Variants in C11orf16 observed in about 807,000 individuals in gnomAD.
C11orf16 encodes chromosome 11 open reading frame 16.
Under a neutral mutation model 45.1 loss-of-function variants are expected in C11orf16, and 38 were observed. The observed-to-expected ratio is 0.84, with a 90% CI of 0.65 to 1.10. The LOEUF is 1.10. Ranked by LOEUF, C11orf16 falls within the 50% of genes least tolerant of loss-of-function variation. C11orf16 has a pLI of 0.00. For synonymous variants in C11orf16, 221 were observed against 222.0 expected, an observed-to-expected ratio of 1.00 and a Z score of 0.04; for missense variants, 583 against 569.5, an observed-to-expected ratio of 1.02 and a Z score of -0.24.
chr11:8,923,503 AT>A (rs2064588165), intron 5 of C11orf16, among the ~76,000 whole-genome samples: 1 of 152,160 alleles, frequency 6.6e-6, no homozygotes. Flanking sequence ...CATCTTCTTT[AT>A]GCCCTCTCTA....
At chr11:8,930,600 G>A (rs1348510732) in intron 2 of C11orf16, among the ~76,000 whole-genome samples, 1 of 152,110 alleles carries the variant, frequency 6.6e-6, no homozygotes, top group African/African-American at 2.4e-5. Flanking sequence ...GGACAACCCA[G>A]AGGAGCTAAG....
At chr11:8,921,166 A>G in intron 6 of C11orf16, 128 bp downstream of exon 6, 2 of 687,756 alleles carry the variant, frequency 2.9e-6, no homozygotes, top group Non-Finnish European at 5.0e-6. Flanking sequence ...TGCAAAATTG[A>G]GGGTATGTGC....
At chr11:8,929,239 C>A (rs2064634547) in intron 3 of C11orf16, 138 bp downstream of exon 3, 1 of 877,678 alleles carries the variant, frequency 1.1e-6, no homozygotes, top group African/African-American at 1.7e-5. Flanking sequence ...ATTACATGTT[C>A]ACTTCTACAA....
In C11orf16 at chr11:8,925,676, G is replaced by T. The variant is rs773597781; in HGVS notation, c.991C>A (p.Pro331Thr). Residue 331 changes from proline (P) to threonine (T), a missense_variant, in exon 5 of 7, where the codon CCC becomes ACC. Transcript: ENST00000326053. Reference protein sequence around the residue: ...PKEEKVAMHAPLAVSSSSSSS... With the variant: ...PKEEKVAMHATLAVSSSSSSS... ...GATGAGGAGGAAGAAACAGCCAGGG[G>T]AGCGTGCATTGCTACTTTCTCCTCT... 1 of 1,614,268 alleles carries T rather than the reference G, an allele frequency of 6.2e-7. No homozygotes were observed.
At chr11:8,929,239 C>T in intron 3 of C11orf16, 138 bp downstream of exon 3, 2 of 877,678 alleles carry the variant, frequency 2.3e-6, no homozygotes, top group Non-Finnish European at 3.4e-6. Flanking sequence ...ATTACATGTT[C>T]ACTTCTACAA....
At chr11:8,930,383 G>A (rs76849436) in intron 2 of C11orf16, among the ~76,000 whole-genome samples, 26 of 138,870 alleles carry the variant, frequency 1.9e-4, no homozygotes, top group Admixed American at 3.1e-4. Context: ...CCAAGATTGC[G>A]CCACTGTACT....
At chr11:8,927,537 T>G in intron 3 of C11orf16, 1 of 450,500 alleles carries the variant, frequency 2.2e-6, no homozygotes, top group Non-Finnish European at 4.5e-6. Flanking sequence ...CAATGCAATC[T>G]CCTCCTTCCA....
In C11orf16 at chr11:8,920,449, A is replaced by G. The variant is rs760516714; in HGVS notation, c.*24T>C. ...CGAATATTTACCATGTTTATTCTTT[A>G]CCTATAAAAGGGGGAAAAATTCCAT... On this transcript the variant is annotated splice_region_variant and 3_prime_UTR_variant, in exon 7 of 7. Coordinates refer to ENST00000326053, the MANE Select transcript of C11orf16 (RefSeq NM_020643.3). The G allele has an allele frequency of 3.0e-6, 2 of 673,984 alleles. No homozygotes were observed. The highest frequency in any genetic ancestry group is 3.2e-5 in the South Asian group (2 of 62,420). The allele number at this position is 673,984 out of a possible 1,614,324, so 41.8% of individuals were successfully genotyped here. A position where few individuals can be genotyped will look rare whatever the true frequency, so the allele number is the denominator to read the frequency against.
chr11:8,927,982 A>G lies in C11orf16; in HGVS notation c.325-808T>C, dbSNP rs181665142. On this transcript the variant is annotated intron_variant, in intron 3 of 6. Transcript: ENST00000326053. ...GAGTGCAATGGCGTGATCTTGGTTC[A>G]CTGCAACCTCTGCCTCCTGGGTTCA... 5.2e-3 allele frequency among the ~76,000 whole-genome samples: 786 copies of G among 152,212 alleles called. 2 individuals are homozygous for G. The highest frequency in any genetic ancestry group is 8.4e-3 in the Admixed American group (128 of 15,286).
chr11:8,929,280 G>T (rs2064634753), intron 3 of C11orf16, 97 bp downstream of exon 3: 3 of 1,331,870 alleles, frequency 2.3e-6, no homozygotes, highest in South Asian at 1.4e-5. Flanking sequence ...GCTTATGCAA[G>T]AAACCAGCCT....
In C11orf16 at chr11:8,921,408, T is replaced by G. The variant is rs566024418; in HGVS notation, c.1312A>C (p.Met438Leu). 1 of 1,614,226 alleles carries G rather than the reference T, an allele frequency of 6.2e-7. No homozygotes were observed. The highest frequency in any genetic ancestry group is 2.2e-5 in the East Asian group (1 of 44,888). Residue 438 changes from methionine (M) to leucine (L), a missense_variant, in exon 6 of 7, where the codon ATG becomes CTG. Met to Leu is a conservative substitution (Grantham distance 15, BLOSUM62 2). Coordinates refer to ENST00000326053, the MANE Select transcript of C11orf16 (RefSeq NM_020643.3). ...TKELVSKATHMKPPRTPPGEA... is the reference protein window; with the variant it reads ...TKELVSKATHLKPPRTPPGEA... ...CCTGGCGGGGTCCGCGGTGGCTTCA[T>G]GTGGGTTGCTTTCGAGACCAGCTCC...
At chr11:8,921,725 C>G (rs1450686314) in intron 5 of C11orf16, among the ~76,000 whole-genome samples, 2 of 152,166 alleles carry the variant, frequency 1.3e-5, no homozygotes, top group Non-Finnish European at 2.9e-5. Context: ...CACCCGGGCT[C>G]AAGTCATCCT....
At chr11:8,929,198 G>A in intron 3 of C11orf16, 179 bp downstream of exon 3, 1 of 605,484 alleles carries the variant, frequency 1.7e-6, no homozygotes, top group South Asian at 2.7e-5. Flanking sequence ...ACTTTGTTAG[G>A]GAGCCCTAGC....
At chr11:8,928,453 A>AGT (rs2064629787) in intron 3 of C11orf16, among the ~76,000 whole-genome samples, 1 of 152,110 alleles carries the variant, frequency 6.6e-6, no homozygotes, top group Non-Finnish European at 1.5e-5. Flanking sequence ...CCCTTAGGCT[A>AGT]GTGTTCATTC....
Position 8,925,630 on chromosome 11 carries a change from C to T in C11orf16, c.1037G>A (p.Gly346Asp). 1 of 1,614,268 alleles carries T rather than the reference C, an allele frequency of 6.2e-7. No homozygotes were observed. The highest frequency in any genetic ancestry group is 8.5e-7 in the Non-Finnish European group (1 of 1,180,048). Reference protein sequence around the residue: ...SSSSSSCEQDGVENDLEMGPP... With the variant: ...SSSSSSCEQDDVENDLEMGPP... ...GCCCATCTCCAGATCATTCTCCACA[C>T]CGTCTTGTTCACAGGAGGAGGATGA... is the stretch of plus-strand genomic sequence containing the variant. Residue 346 changes from glycine to aspartate, a missense_variant, in exon 5 of 7, where the codon GGT (glycine) becomes GAT (aspartate). Physicochemically the swap from Gly to Asp is moderately conservative, Grantham distance 94 (BLOSUM62 -1). Transcript: ENST00000326053.
chr11:8,932,855 G>C (rs919196511), intron 1 of C11orf16, 46 bp downstream of exon 1: 1 of 153,044 alleles, frequency 6.5e-6, no homozygotes, highest in Non-Finnish European at 1.5e-5. Flanking sequence ...CCCCGTGAGG[G>C]TCTGCCCCTG....
chr11:8,926,872 T>C lies in C11orf16; in HGVS notation c.559+68A>G. ...CCTAAGCTGTAGACGCAGCCTTGGCTCTCTCCTCTGGCCTGATTACAGCCT... is the reference window on the plus strand; with the variant it reads ...CCTAAGCTGTAGACGCAGCCTTGGCCCTCTCCTCTGGCCTGATTACAGCCT... On this transcript the variant is annotated intron_variant, in intron 4 of 6. Transcript: ENST00000326053. 2.3e-6 allele frequency: 3 copies of C among 1,304,660 alleles called. No individual in the cohort carries two copies. The Admixed American group carries it at 5.5e-5, about 24-fold the overall frequency. The allele number at this position is 1,304,660 out of a possible 1,614,324, so 80.8% of individuals were successfully genotyped here. A position where few individuals can be genotyped will look rare whatever the true frequency, so the allele number is the denominator to read the frequency against.
In C11orf16 at chr11:8,925,791, C is replaced by A. The variant is rs1236409417; in HGVS notation, c.876G>T (p.Trp292Cys). The A allele has an allele frequency of 3.7e-6, 6 of 1,614,112 alleles. No individual in the cohort carries two copies. The highest frequency in any genetic ancestry group is 5.1e-6 in the Non-Finnish European group (6 of 1,180,058). The change falls in exon 5 of 7, where the codon TGG (tryptophan) becomes TGT (cysteine). Residue 292 changes from tryptophan to cysteine, a missense_variant. Physicochemically the swap from Trp to Cys is radical, Grantham distance 215. Transcript: ENST00000326053. Reference sequence around the variant, plus strand: ...CTTCTGAGGTCCTGGTTAGAGGCCACCAAGTCGTGCCACATGGCGGGCAGC... The same window carrying A: ...CTTCTGAGGTCCTGGTTAGAGGCCAACAAGTCGTGCCACATGGCGGGCAGC... ...LCGCPPCGTT[W>C]WPLTRTSEVM...
At chr11:8,922,559 G>C (rs1227409834) in intron 5 of C11orf16, among the ~76,000 whole-genome samples, 1 of 152,168 alleles carries the variant, frequency 6.6e-6, no homozygotes, top group Non-Finnish European at 1.5e-5. Flanking sequence ...GCCTCCCTAG[G>C]ACTATTAGGA....
Sources: allele counts gnomAD v4.1 joint callset (sites outside exome capture counted in the v4.1 genomes callset), GRCh38; gene constraint gnomAD v4.1.1; transcripts MANE v1.5; gene names NCBI Gene and HGNC (gene_info 2026-07-23, HGNC 2026-07-21).